Variants in MPP7 observed in about 807,000 individuals in gnomAD.
MPP7 encodes the protein MAGUK p55 subfamily member 7.
Under a neutral mutation model 76.5 loss-of-function variants are expected in MPP7, and 60 were observed. That is an observed-to-expected ratio of 0.78 (90% confidence interval 0.64 to 0.97). MPP7 has a LOEUF of 0.97. Ranked by LOEUF, MPP7 falls within the 50% of genes least tolerant of loss-of-function variation. The pLI, the probability that MPP7 is intolerant of heterozygous loss-of-function variation, is 0.00. For missense variants in MPP7, 641 were observed against 694.0 expected (o/e 0.92, Z 0.86); for synonymous variants, 237 against 244.5 (o/e 0.97, Z 0.29).
chr10:28,180,407 A>C (rs1253586101), intron 3 of MPP7, among the ~76,000 whole-genome samples: 1 of 152,218 alleles, frequency 6.6e-6, no homozygotes, highest in East Asian at 1.9e-4. Context: ...ATCAAAGAAG[A>C]AAATGTAAAA....
chr10:28,136,511 C>T (rs778675393), intron 5 of MPP7, among the ~76,000 whole-genome samples: 6 of 151,930 alleles, frequency 3.9e-5, no homozygotes, highest in Non-Finnish European at 7.4e-5. Flanking sequence ...AACAATGAAA[C>T]CAAATACTGA....
chr10:28,085,347 C>T (rs1852953602), intron 12 of MPP7, among the ~76,000 whole-genome samples: 1 of 152,132 alleles, frequency 6.6e-6, no homozygotes, highest in Non-Finnish European at 1.5e-5. Context: ...TGAAGGAATA[C>T]ACTCATAGCT....
intron 1 of MPP7, among the ~76,000 whole-genome samples, chr10:28,277,430 A>C (rs1350592791): frequency 2.0e-5 from 3 of 151,930 alleles, no homozygotes; most frequent in African/African-American, 7.3e-5. Context: ...ACGATCTCCT[A>C]ATGTTTTAAG....
intron 11 of MPP7, among the ~76,000 whole-genome samples, chr10:28,119,409 T>C (rs1472324275): frequency 6.6e-6 from 1 of 152,122 alleles, no homozygotes. Context: ...GTAGTAGTAG[T>C]AGTCACTTTC....
chr10:28,125,210 GA>G, intron 6 of MPP7, 119 bp from the exon 7 acceptor site: 1 of 795,694 alleles, frequency 1.3e-6, no homozygotes, highest in Non-Finnish European at 2.1e-6. Flanking sequence ...CGAAAAAAAA[GA>G]AATGAGGCAG....
At chr10:28,334,035 C>CA (rs796682002) in intron 1 of MPP7, among the ~76,000 whole-genome samples, 6 of 151,966 alleles carry the variant, frequency 3.9e-5, no homozygotes, top group African/African-American at 1.2e-4. Flanking sequence ...TCTAGTAAAA[C>CA]AAAAAATACG....
intron 1 of MPP7, among the ~76,000 whole-genome samples, chr10:28,249,772 A>G (rs1839552359): frequency 6.6e-6 from 1 of 152,136 alleles, no homozygotes; most frequent in African/African-American, 2.4e-5. Context: ...TGGGCTTCTG[A>G]TATGATAAGA....
Position 28,237,531 on chromosome 10 carries a change from C to T in MPP7, c.37+1037G>A, listed in dbSNP as rs578167116. Among the ~76,000 whole-genome samples, 3 of 152,128 alleles carry T rather than the reference C, an allele frequency of 2.0e-5. No homozygotes were observed. In the South Asian group the frequency reaches 6.2e-4, roughly 32 times the overall value. On this transcript the variant is annotated intron_variant, in intron 2 of 16. Transcript: ENST00000683449. The stretch of plus-strand genomic sequence containing the variant: ...TTGCCAAAATATAACTATGGATATG[C>T]TTGAAATAGCAAAGAATTATATTTG...
In MPP7 at chr10:28,212,844, C is replaced by T. The variant is rs547501894; in HGVS notation, c.38-10573G>A. On this transcript the variant is annotated intron_variant, in intron 2 of 16. Transcript: ENST00000683449. ...TAGCAATGCGCAGGGTACTGACTAC[C>T]TTTGGCAGAGTGACAATGTAGAAGA... is the stretch of plus-strand genomic sequence containing the variant. Among the ~76,000 whole-genome samples the T allele has an allele frequency of 1.1e-4, 16 of 152,248 alleles. No individual in the cohort carries two copies. In the East Asian group the frequency reaches 2.7e-3, roughly 26 times the overall value.
At chr10:28,304,226 C>G (rs1464842044), upstream of MPP7, among the ~76,000 whole-genome samples, 4 of 152,148 alleles carry the variant, frequency 2.6e-5, no homozygotes, top group Admixed American at 2.0e-4. Context: ...GCCTAGAAGG[C>G]AAGAAGCATT....
chr10:28,327,561 G>C (rs543410896), intron 2 of MPP7, among the ~76,000 whole-genome samples: 1 of 152,186 alleles, frequency 6.6e-6, no homozygotes, highest in African/African-American at 2.4e-5. Context: ...CAAATATATG[G>C]ATTTATCTGA....
intron 3 of MPP7, among the ~76,000 whole-genome samples, chr10:28,190,946 G>A (rs1167248306): frequency 1.3e-5 from 2 of 152,002 alleles, no homozygotes; most frequent in Non-Finnish European, 2.9e-5. Flanking sequence ...AATGAAAGAG[G>A]AGTCAACAGT....
intron 3 of MPP7, among the ~76,000 whole-genome samples, chr10:28,201,427 T>A (rs1465607576): frequency 6.6e-6 from 1 of 152,198 alleles, no homozygotes; most frequent in African/African-American, 2.4e-5. Flanking sequence ...AGAAAGACTC[T>A]AAATTTCTTT....
At position 28,270,532 on chromosome 10, in the gene MPP7, A is replaced by AAGG. The variant is rs1304530937; in HGVS notation, c.-131-31798_-131-31797insCCT. On this transcript the variant is annotated intron_variant, in intron 1 of 16. Transcript: ENST00000683449. ...AAGACTATCTCTTTAAAAAAAAAAA[A>AAGG]GGGGGGGGGGGAGGAGGGGAGCTGG... 2.3e-3 allele frequency among the ~76,000 whole-genome samples: 35 copies of AAGG among 15,494 alleles called. 1 individual carries two copies. Among genetic ancestry groups the AAGG allele is most frequent in the South Asian group, 8.8e-3 (4 of 454 alleles). 10.2% of individuals were successfully genotyped at this position (15,494 alleles called of 152,430 possible). A position where few individuals can be genotyped will look rare whatever the true frequency, so the allele number is the denominator to read the frequency against.
intron 7 of MPP7, among the ~76,000 whole-genome samples, chr10:28,124,335 G>C (rs1218511881): frequency 2.0e-5 from 3 of 152,106 alleles, no homozygotes; most frequent in African/African-American, 7.2e-5. Context: ...GGTAACAGGA[G>C]CTTGGTCTTT....
At chr10:28,179,099 T>C (rs1836972455) in intron 3 of MPP7, among the ~76,000 whole-genome samples, 1 of 152,058 alleles carries the variant, frequency 6.6e-6, no homozygotes, top group South Asian at 2.1e-4. Context: ...GATCCAACCA[T>C]TACAACGACT....
intron 1 of MPP7, among the ~76,000 whole-genome samples, chr10:28,282,575 G>A (rs1840703108): frequency 6.6e-6 from 1 of 152,034 alleles, no homozygotes; most frequent in Admixed American, 6.5e-5. Context: ...AAGACAATGG[G>A]CAAACGCACA....
Position 28,213,754 on chromosome 10 carries a change from T to G in MPP7, c.38-11483A>C, listed in dbSNP as rs183290821. Among the ~76,000 whole-genome samples the G allele has an allele frequency of 5.6e-5, 8 of 143,606 alleles. No homozygotes were observed. The Admixed American group carries it at 5.7e-4, about 10-fold the overall frequency. 94.2% of individuals were successfully genotyped at this position (143,606 alleles called of 152,430 possible). ...CTGCAGTGAGCCCAGATCATGCCAT[T>G]GCACTCCAACCTGGGCAACAGAGTG... On this transcript the variant is annotated intron_variant, in intron 2 of 16. Coordinates refer to ENST00000683449, the MANE Select transcript of MPP7 (RefSeq NM_001318170.2).
intron 2 of MPP7, among the ~76,000 whole-genome samples, chr10:28,311,575 T>C (rs915833716): frequency 6.6e-6 from 1 of 152,188 alleles, no homozygotes; most frequent in East Asian, 1.9e-4. Context: ...GTAATATATA[T>C]GTCCATTTGA....
Sources: gnomAD v4.1 joint callset for allele counts (sites outside exome capture counted in the v4.1 genomes callset) on GRCh38, gnomAD v4.1.1 for gene constraint, MANE v1.5 for transcripts, NCBI Gene and HGNC (gene_info 2026-07-23, HGNC 2026-07-21) for gene names.